The following ATP8A1 variants were observed in gnomAD, a reference collection of about 807,000 sequenced individuals.
ATP8A1 encodes the protein phospholipid-transporting ATPase IA.
ATP8A1 carries 90 observed loss-of-function variants against 177.7 expected under a neutral mutation model. The ratio of observed to expected loss-of-function variants is 0.51; its 90% confidence interval spans 0.43 to 0.60. The LOEUF (loss-of-function observed/expected upper bound fraction) is 0.60, where lower values mean the gene tolerates loss of function less well. Among genes scored for constraint, ATP8A1 ranks in the 20% least tolerant of loss-of-function variants. ATP8A1 has a pLI of 0.00. For missense variants in ATP8A1, 1,072 were observed against 1,392.8 expected, an observed-to-expected ratio of 0.77 and a Z score of 3.67; for synonymous variants, 493 against 485.9, an observed-to-expected ratio of 1.01 and a Z score of -0.19.
At chr4:42,524,996 T>C in intron 20 of ATP8A1, 149 bp from the exon 21 acceptor site, 1 of 520,162 alleles carries the variant, frequency 1.9e-6, no homozygotes, top group South Asian at 2.8e-5. Context: ...TTTTGTCTAA[T>C]AATACTATTT....
intron 22 of ATP8A1, among the ~76,000 whole-genome samples, chr4:42,509,474 C>T (rs1724771993): frequency 2.0e-5 from 3 of 152,216 alleles, no homozygotes; most frequent in Non-Finnish European, 2.9e-5. Context: ...TCTTTGTATA[C>T]ATGAGTATGT....
intron 15 of ATP8A1, among the ~76,000 whole-genome samples, chr4:42,556,956 T>C (rs1730302883): frequency 6.6e-6 from 1 of 152,182 alleles, no homozygotes; most frequent in Non-Finnish European, 1.5e-5. Flanking sequence ...GTATTATCAA[T>C]GTCAACATGT....
At chr4:42,555,286 T>A (rs774566434) in intron 16 of ATP8A1, among the ~76,000 whole-genome samples, 9 of 150,698 alleles carry the variant, frequency 6.0e-5, no homozygotes, top group Non-Finnish European at 1.3e-4. Flanking sequence ...GAAGCCAGAG[T>A]TTCTATTGTA....
At chr4:42,625,525 G>T in intron 3 of ATP8A1, 89 bp downstream of exon 3, 2 of 807,988 alleles carry the variant, frequency 2.5e-6, no homozygotes, top group East Asian at 2.9e-5. Flanking sequence ...CTTATCTCTC[G>T]GCATTTACAT....
chr4:42,565,876 A>G (rs544045539), intron 15 of ATP8A1, among the ~76,000 whole-genome samples: 1 of 152,206 alleles, frequency 6.6e-6, no homozygotes, highest in African/African-American at 2.4e-5. Flanking sequence ...TTAAGAATAA[A>G]TAGATTTTCC....
intron 1 of ATP8A1, among the ~76,000 whole-genome samples, chr4:42,633,829 G>C (rs1051100649): frequency 3.9e-5 from 6 of 152,168 alleles, no homozygotes; most frequent in Admixed American, 1.3e-4. Context: ...TGAATGGTCA[G>C]AGAAGACGTC....
chr4:42,466,127 T>C (rs147446544), intron 25 of ATP8A1, among the ~76,000 whole-genome samples: 180 of 151,066 alleles, frequency 1.2e-3, no homozygotes, highest in African/African-American at 4.0e-3. Context: ...CTACACTGTA[T>C]TGGAAACTAT....
At chr4:42,490,856 T>C (rs1440091927) in intron 24 of ATP8A1, among the ~76,000 whole-genome samples, 2 of 152,244 alleles carry the variant, frequency 1.3e-5, no homozygotes, top group Non-Finnish European at 1.5e-5. Context: ...ATTTACAGTA[T>C]ACTTATACAA....
rs145257648 is a variant in ATP8A1, at chr4:42,454,529, C to G, written c.2817+768G>C. ...ACAAATGTTAGTTTCAAAATGACAC[C>G]TAACTTGATTGTTGTAATATTAAAT... On this transcript the variant is annotated intron_variant, in intron 29 of 36. Transcript: ENST00000381668. 3.4e-3 allele frequency among the ~76,000 whole-genome samples: 510 copies of G among 152,202 alleles called. 2 individuals carry two copies. The highest frequency in any genetic ancestry group is 3.9e-3 in the Non-Finnish European group (266 of 68,002).
intron 4 of ATP8A1, among the ~76,000 whole-genome samples, chr4:42,621,185 A>G (rs1737430523): frequency 6.6e-6 from 1 of 152,220 alleles, no homozygotes; most frequent in Non-Finnish European, 1.5e-5. Context: ...GTCTCCATCA[A>G]GTATGTCATT....
intron 35 of ATP8A1, among the ~76,000 whole-genome samples, chr4:42,420,887 G>A (rs1226501533): frequency 6.6e-6 from 1 of 151,414 alleles, no homozygotes; most frequent in East Asian, 1.9e-4. Flanking sequence ...TCCTGCCTCA[G>A]CCTCCCGAGT....
rs1238177862 is a variant in ATP8A1 at position 42,409,411 on chromosome 4, A to C, written c.*3505T>G. On this transcript the variant is annotated 3_prime_UTR_variant, in exon 37 of 37. Coordinates refer to ENST00000381668, the MANE Select transcript of ATP8A1 (RefSeq NM_006095.2). ...ATTTTAATGTGAGAAAAATCAGACT[A>C]TGGTATCTTACGAGTCATTATAGAA... 6.6e-6 allele frequency: 1 copy of C among 152,138 alleles called. No individual in the cohort carries two copies. The highest frequency in any genetic ancestry group is 2.4e-5 in the African/African-American group (1 of 41,454). 9.4% of individuals were successfully genotyped at this position (152,138 alleles called of 1,614,324 possible).
intron 25 of ATP8A1, among the ~76,000 whole-genome samples, chr4:42,477,882 C>G (rs1264473521): frequency 6.6e-6 from 1 of 151,172 alleles, no homozygotes; most frequent in Non-Finnish European, 1.5e-5. Context: ...ACTCAGGAGG[C>G]TGATGTGAGA....
At chr4:42,469,084 C>A (rs1049524234) in intron 25 of ATP8A1, among the ~76,000 whole-genome samples, 1 of 152,044 alleles carries the variant, frequency 6.6e-6, no homozygotes, top group Non-Finnish European at 1.5e-5. Context: ...AAAATGGAGA[C>A]CAGAATGTAC....
At chr4:42,441,211 T>C (rs192540448) in intron 33 of ATP8A1, among the ~76,000 whole-genome samples, 50 of 152,284 alleles carry the variant, frequency 3.3e-4, no homozygotes, top group African/African-American at 1.2e-3. Flanking sequence ...ATAATATATG[T>C]AATGTACAAT....
intron 1 of ATP8A1, among the ~76,000 whole-genome samples, chr4:42,636,148 A>AGTG (rs1739333536): frequency 8.2e-4 from 26 of 31,868 alleles, no homozygotes; most frequent in African/African-American, 1.6e-3. Context: ...ACACACACAC[A>AGTG]CACACACACG....
At chr4:42,607,992 T>C (rs11943849) in intron 5 of ATP8A1, among the ~76,000 whole-genome samples, 34,240 of 152,152 alleles carry the variant, frequency 0.23, 4,348 homozygotes, top group Non-Finnish European at 0.29. Context: ...AACACACCTG[T>C]TATAGTTTTC....
At chr4:42,554,335 G>A (rs1215776641) in intron 16 of ATP8A1, among the ~76,000 whole-genome samples, 1 of 152,098 alleles carries the variant, frequency 6.6e-6, no homozygotes, top group Admixed American at 6.5e-5. Context: ...TCAGAGATCT[G>A]GACATGGAGA....
In ATP8A1 at chr4:42,656,882, C is replaced by T; in HGVS notation, c.-9G>A. 2 of 1,581,746 alleles carry T rather than the reference C, an allele frequency of 1.3e-6. No individual in the cohort carries two copies. Among genetic ancestry groups the T allele is most frequent in the Non-Finnish European group, 1.7e-6 (2 of 1,164,274 alleles). Reference sequence around the variant, plus strand: ...CTCCGCATGGTGGGCATCGCGGCGGCGGCTGCAGGTGGGTCCTCAGCCCGG... The same window carrying T: ...CTCCGCATGGTGGGCATCGCGGCGGTGGCTGCAGGTGGGTCCTCAGCCCGG... On this transcript the variant is annotated 5_prime_UTR_variant, in exon 1 of 37. Transcript: ENST00000381668.
Sources: gnomAD v4.1 joint callset for allele counts (sites outside exome capture counted in the v4.1 genomes callset) on GRCh38, gnomAD v4.1.1 for gene constraint, MANE v1.5 for transcripts, NCBI Gene and HGNC (gene_info 2026-07-23, HGNC 2026-07-21) for gene names.